Variants in MAPK8 observed in about 807,000 individuals in gnomAD.
MAPK8 encodes mitogen-activated protein kinase 8.
A neutral mutation model predicts 52.9 loss-of-function variants in MAPK8; 13 were observed. That is an observed-to-expected ratio of 0.25 (90% CI 0.16 to 0.39). The LOEUF (loss-of-function observed/expected upper bound fraction) is 0.39. Ranked by LOEUF, MAPK8 falls within the 10% of genes least tolerant of loss-of-function variation. The pLI, the probability that MAPK8 is intolerant of heterozygous loss-of-function variation, is 1.00. For synonymous variants in MAPK8, 191 were observed against 169.8 expected (o/e 1.12, Z -0.97); for missense variants, 300 against 519.2 (o/e 0.58, Z 4.10).
At chr10:48,319,047 AC>A (rs1368012255) in intron 1 of MAPK8, among the ~76,000 whole-genome samples, 1 of 152,216 alleles carries the variant, frequency 6.6e-6, no homozygotes, top group African/African-American at 2.4e-5. Flanking sequence ...TAGTCCTGAT[AC>A]AGGAGATGGT....
chr10:48,351,633 A>T (rs1018962081), intron 1 of MAPK8, among the ~76,000 whole-genome samples: 3 of 152,204 alleles, frequency 2.0e-5, no homozygotes, highest in Non-Finnish European at 4.4e-5. Context: ...AGAAAAACCA[A>T]TTGGAAACTT....
chr10:48,420,647 ATAGTGTACTGACAGTTTATTAT>A (rs1477405192), intron 6 of MAPK8, among the ~76,000 whole-genome samples: 1 of 152,150 alleles, frequency 6.6e-6, no homozygotes, highest in Non-Finnish European at 1.5e-5. Context: ...TCAGGGATGT[ATAGTGTACTGACAGTTTATTAT>A]TAGTGTACAT....
intron 1 of MAPK8, among the ~76,000 whole-genome samples, chr10:48,339,001 A>G (rs1844970634): frequency 1.3e-5 from 2 of 152,178 alleles, no homozygotes; most frequent in South Asian, 4.1e-4. Context: ...TTAAATGACC[A>G]TACTGCCCAA....
intron 1 of MAPK8, among the ~76,000 whole-genome samples, chr10:48,360,992 A>AT (rs1486390176): frequency 1.3e-5 from 2 of 152,116 alleles, no homozygotes; most frequent in African/African-American, 4.8e-5. Context: ...TGTAAGATGC[A>AT]TTTTTTGTAC....
intron 1 of MAPK8, among the ~76,000 whole-genome samples, chr10:48,317,728 C>G (rs540338068): frequency 6.6e-6 from 1 of 151,792 alleles, no homozygotes; most frequent in Non-Finnish European, 1.5e-5. Flanking sequence ...TGTGCCCTTG[C>G]GAGGAAGTTT....
intron 1 of MAPK8, among the ~76,000 whole-genome samples, chr10:48,340,838 C>T (rs911426980): frequency 3.3e-5 from 5 of 152,240 alleles, no homozygotes; most frequent in Admixed American, 6.5e-5. Context: ...TCTCTCTATA[C>T]TGCCCTACAA....
chr10:48,369,218 TC>T (rs1465452071), intron 1 of MAPK8, among the ~76,000 whole-genome samples: 1 of 152,166 alleles, frequency 6.6e-6, no homozygotes, highest in African/African-American at 2.4e-5. Flanking sequence ...AATACAGTAA[TC>T]CAGGCAGTAG....
chr10:48,340,957 A>G (rs1381373392), intron 1 of MAPK8, among the ~76,000 whole-genome samples: 1 of 152,218 alleles, frequency 6.6e-6, no homozygotes, highest in Non-Finnish European at 1.5e-5. Flanking sequence ...GCCTCCTGCC[A>G]GAATGGCAGG....
At chr10:48,344,485 G>A (rs1452617977) in intron 1 of MAPK8, among the ~76,000 whole-genome samples, 7 of 152,090 alleles carry the variant, frequency 4.6e-5, no homozygotes, top group Admixed American at 4.6e-4. Context: ...TTTCACATCA[G>A]TCCACTGTAT....
At chr10:48,345,019 T>C (rs1845632701) in intron 1 of MAPK8, among the ~76,000 whole-genome samples, 1 of 152,180 alleles carries the variant, frequency 6.6e-6, no homozygotes, top group Non-Finnish European at 1.5e-5. Flanking sequence ...CCGTGAATGC[T>C]TGAAAAAGAT....
chr10:48,405,302 C>G (rs942628402), intron 3 of MAPK8, among the ~76,000 whole-genome samples: 2 of 152,246 alleles, frequency 1.3e-5, no homozygotes, highest in African/African-American at 2.4e-5. Context: ...CTCCGTCAGG[C>G]TGACATTTAG....
intron 1 of MAPK8, among the ~76,000 whole-genome samples, chr10:48,314,444 C>T (rs147600629): frequency 2.6e-5 from 4 of 152,324 alleles, no homozygotes; most frequent in African/African-American, 9.6e-5. Flanking sequence ...CCATTTAACT[C>T]CTTTCTGATG....
intron 5 of MAPK8, among the ~76,000 whole-genome samples, chr10:48,412,968 C>T (rs754393846): frequency 2.0e-5 from 3 of 152,136 alleles, no homozygotes; most frequent in African/African-American, 4.8e-5. Context: ...CCGCAACCCC[C>T]GACAGACATC....
chr10:48,366,400 G>A (rs189463225), intron 1 of MAPK8, among the ~76,000 whole-genome samples: 7 of 152,254 alleles, frequency 4.6e-5, no homozygotes, highest in African/African-American at 1.7e-4. Flanking sequence ...GGGAAAAATA[G>A]GAAATGTCAT....
At chr10:48,320,861 A>G (rs1842929593) in intron 1 of MAPK8, among the ~76,000 whole-genome samples, 1 of 152,094 alleles carries the variant, frequency 6.6e-6, no homozygotes, top group South Asian at 2.1e-4. Context: ...AAGATTCCAA[A>G]TTCTCCACAT....
intron 1 of MAPK8, among the ~76,000 whole-genome samples, chr10:48,308,699 T>G (rs1418227414): frequency 6.6e-6 from 1 of 152,182 alleles, no homozygotes; most frequent in Non-Finnish European, 1.5e-5. Flanking sequence ...TTGAAAGTTT[T>G]TTGGTGACTC....
At chr10:48,311,965 C>T (rs1261379688) in intron 1 of MAPK8, among the ~76,000 whole-genome samples, 1 of 152,200 alleles carries the variant, frequency 6.6e-6, no homozygotes, top group Non-Finnish European at 1.5e-5. Context: ...TTTCTACCCT[C>T]AGTGAGCTGA....
At chr10:48,321,774 C>G (rs970427377) in intron 1 of MAPK8, among the ~76,000 whole-genome samples, 1 of 152,054 alleles carries the variant, frequency 6.6e-6, no homozygotes, top group African/African-American at 2.4e-5. Context: ...ACTGTTCTTT[C>G]TTACCAAATT....
intron 3 of MAPK8, 56 bp downstream of exon 3, chr10:48,405,037 A>G: frequency 1.6e-6 from 2 of 1,239,888 alleles, no homozygotes; most frequent in Non-Finnish European, 2.3e-6. Flanking sequence ...TTATTCATGA[A>G]TATGTGAATA....
Sources: allele counts gnomAD v4.1 joint callset (sites outside exome capture counted in the v4.1 genomes callset), GRCh38; gene constraint gnomAD v4.1.1; transcripts MANE v1.5; gene names NCBI Gene and HGNC (gene_info 2026-07-23, HGNC 2026-07-21).